The following ROR1 variants were observed in gnomAD, a reference collection of about 807,000 sequenced individuals.
ROR1 encodes inactive tyrosine-protein kinase transmembrane receptor ROR1.
Under a neutral mutation model 78.8 loss-of-function variants are expected in ROR1, and 19 were observed. The ratio of observed to expected loss-of-function variants is 0.24; its 90% confidence interval spans 0.17 to 0.35. ROR1 has a LOEUF of 0.35. ROR1 is among the 10% of genes least tolerant of loss of function. ROR1 has a pLI of 1.00. For synonymous variants in ROR1, 386 were observed against 433.6 expected (o/e 0.89, Z 1.36); for missense variants, 917 against 1,177.8 (o/e 0.78, Z 3.24).
intron 1 of ROR1, among the ~76,000 whole-genome samples, chr1:63,962,860 C>T (rs1646041085): frequency 2.0e-5 from 3 of 152,070 alleles, no homozygotes; most frequent in South Asian, 2.1e-4. Flanking sequence ...CTGGTAACTG[C>T]GTGAAGGGCA....
chr1:64,009,843 G>A lies in ROR1; in HGVS notation c.163+467G>A, dbSNP rs144581473. ...AAGGATGGCAGCTTCCTTTGTGCAC[G>A]TGGGGAACAGGTTTCTGCTAGGAGA... is the stretch of plus-strand genomic sequence containing the variant. On this transcript the variant is annotated intron_variant, in intron 2 of 8. Transcript: ENST00000371079. Among the ~76,000 whole-genome samples the A allele has an allele frequency of 2.5e-3, 377 of 152,264 alleles. 2 individuals are homozygous for A. The highest frequency in any genetic ancestry group is 4.0e-3 in the Admixed American group (61 of 15,284).
At chr1:64,113,044 T>G (rs1648174141) in intron 4 of ROR1, among the ~76,000 whole-genome samples, 2 of 152,166 alleles carry the variant, frequency 1.3e-5, no homozygotes, top group South Asian at 4.1e-4. Context: ...TTCCATAGAT[T>G]TAATCTTCCA....
intron 1 of ROR1, among the ~76,000 whole-genome samples, chr1:63,935,435 T>C (rs769856939): frequency 3.9e-5 from 6 of 152,148 alleles, no homozygotes; most frequent in Non-Finnish European, 8.8e-5. Context: ...AGGTTAATTG[T>C]AGAGGGTGGC....
At chr1:63,780,975 C>T (rs545810569) in intron 1 of ROR1, among the ~76,000 whole-genome samples, 1 of 152,192 alleles carries the variant, frequency 6.6e-6, no homozygotes, top group Admixed American at 6.5e-5. Flanking sequence ...TCCTGAGGTG[C>T]TCTGTTTGCC....
At chr1:63,850,527 T>G (rs1645107735) in intron 1 of ROR1, among the ~76,000 whole-genome samples, 1 of 151,688 alleles carries the variant, frequency 6.6e-6, no homozygotes, top group Non-Finnish European at 1.5e-5. Context: ...ACTCTTGATA[T>G]TGGAAGTATT....
chr1:64,027,770 C>G (rs1646626064), intron 2 of ROR1, among the ~76,000 whole-genome samples: 1 of 151,758 alleles, frequency 6.6e-6, no homozygotes, highest in Non-Finnish European at 1.5e-5. Context: ...TCACTGCAAT[C>G]TCTGCCTCCC....
At chr1:63,808,135 A>G (rs1375873087) in intron 1 of ROR1, among the ~76,000 whole-genome samples, 1 of 152,048 alleles carries the variant, frequency 6.6e-6, no homozygotes, top group Non-Finnish European at 1.5e-5. Flanking sequence ...CACGTTTGCC[A>G]GCTTTCCTTG....
intron 4 of ROR1, among the ~76,000 whole-genome samples, chr1:64,072,193 C>G (rs1184620523): frequency 6.6e-6 from 1 of 152,180 alleles, no homozygotes; most frequent in Non-Finnish European, 1.5e-5. Context: ...CAAAGAATTG[C>G]AAGGATCATG....
At position 64,143,121 on chromosome 1, in the gene ROR1, C is replaced by T. The variant is rs1340887571; in HGVS notation, c.1174+471C>T. The T allele has an allele frequency of 1.0e-5, 10 of 1,004,916 alleles. No homozygotes were observed. The Admixed American group carries it at 2.6e-4, about 26-fold the overall frequency. The allele number at this position is 1,004,916 out of a possible 1,614,324, so 62.2% of individuals were successfully genotyped here. ...CAATCTGTGGGTAAACTGTGTCCTTCGTTATGTCTGTTAATACTGCAGAAG... is the reference window on the plus strand; with the variant it reads ...CAATCTGTGGGTAAACTGTGTCCTTTGTTATGTCTGTTAATACTGCAGAAG... On this transcript the variant is annotated intron_variant, in intron 7 of 8. Coordinates refer to ENST00000371079, the MANE Select transcript of ROR1 (RefSeq NM_005012.4).
intron 4 of ROR1, among the ~76,000 whole-genome samples, chr1:64,084,454 T>TA (rs1423408670): frequency 6.6e-6 from 1 of 152,244 alleles, no homozygotes; most frequent in African/African-American, 2.4e-5. Flanking sequence ...CCATTGAAAT[T>TA]ATTGTTTCAT....
Position 63,872,072 on chromosome 1 carries a change from T to G in ROR1, c.91+97564T>G, listed in dbSNP as rs555164188. 4.5e-4 allele frequency among the ~76,000 whole-genome samples: 69 copies of G among 152,338 alleles called. 1 individual carries two copies. The highest frequency in any genetic ancestry group is 1.9e-3 in the South Asian group (9 of 4,830). On this transcript the variant is annotated intron_variant, in intron 1 of 8. Transcript: ENST00000371079. ...TGCAAAATATTCTATTAAATAAACTTGGTGGAGAAGTAGCAACAAACAAAC... is the reference window on the plus strand; with the variant it reads ...TGCAAAATATTCTATTAAATAAACTGGGTGGAGAAGTAGCAACAAACAAAC...
intron 4 of ROR1, among the ~76,000 whole-genome samples, chr1:64,121,339 A>G (rs934806409): frequency 2.6e-5 from 4 of 152,030 alleles, no homozygotes; most frequent in Non-Finnish European, 5.9e-5. Context: ...CTCCTTGATC[A>G]GAACATAGTC....
At chr1:63,907,662 A>G (rs530040464) in intron 1 of ROR1, among the ~76,000 whole-genome samples, 8 of 152,184 alleles carry the variant, frequency 5.3e-5, no homozygotes, top group Non-Finnish European at 1.2e-4. Context: ...CTGGAAGAAT[A>G]GTTTCTGTGC....
chr1:64,118,353 G>T (rs1442528301), intron 4 of ROR1, among the ~76,000 whole-genome samples: 2 of 151,976 alleles, frequency 1.3e-5, no homozygotes, highest in African/African-American at 2.4e-5. Flanking sequence ...ACCTGGCCGG[G>T]TGCTGTGGCT....
intron 1 of ROR1, among the ~76,000 whole-genome samples, chr1:63,954,633 A>C (rs551117418): frequency 2.0e-4 from 31 of 152,350 alleles, no homozygotes; most frequent in African/African-American, 7.2e-4. Context: ...ATTGGAAAAA[A>C]CATTGTGTCT....
intron 1 of ROR1, among the ~76,000 whole-genome samples, chr1:63,869,019 CCTT>C (rs1389863196): frequency 1.4e-4 from 22 of 152,194 alleles, no homozygotes; most frequent in African/African-American, 4.6e-4. Context: ...TCCCCCACAA[CCTT>C]CTCTGAACAG....
intron 4 of ROR1, among the ~76,000 whole-genome samples, chr1:64,082,105 T>C (rs1647107849): frequency 6.6e-6 from 1 of 152,154 alleles, no homozygotes; most frequent in South Asian, 2.1e-4. Context: ...GATTGATTAC[T>C]GGATAAGATC....
intron 1 of ROR1, among the ~76,000 whole-genome samples, chr1:63,845,097 C>T (rs555534793): frequency 2.2e-4 from 34 of 152,170 alleles, no homozygotes; most frequent in Non-Finnish European, 4.1e-4. Flanking sequence ...GATGGAGACT[C>T]TTTGGGAGTT....
Position 63,971,839 on chromosome 1 carries a change from G to A in ROR1, c.92-37466G>A, listed in dbSNP as rs143990398. ...TCAGGCTCCAGGAAAGTCAGCAGAT[G>A]ATAAAGCCCTTGTCCTCGGTCTTGC... is the stretch of plus-strand genomic sequence containing the variant. On this transcript the variant is annotated intron_variant, in intron 1 of 8. Coordinates refer to ENST00000371079, the MANE Select transcript of ROR1 (RefSeq NM_005012.4). Among the ~76,000 whole-genome samples the A allele has an allele frequency of 1.4e-3, 212 of 152,294 alleles. 1 individual carries two copies. Among genetic ancestry groups the A allele is most frequent in the African/African-American group, 1.9e-3 (81 of 41,554 alleles).
Sources: gnomAD v4.1 joint callset for allele counts (sites outside exome capture counted in the v4.1 genomes callset) on GRCh38, gnomAD v4.1.1 for gene constraint, MANE v1.5 for transcripts, NCBI Gene and HGNC (gene_info 2026-07-23, HGNC 2026-07-21) for gene names.